AK4: variants seen among roughly 807,000 people sequenced by gnomAD.
The protein encoded by AK4 is adenylate kinase 4, mitochondrial.
A neutral mutation model predicts 24.6 loss-of-function variants in AK4; 13 were observed. The ratio of observed to expected loss-of-function variants is 0.53; its 90% CI spans 0.34 to 0.84. AK4 has a LOEUF of 0.84. Ranked by LOEUF, AK4 falls within the 40% of genes least tolerant of loss-of-function variation. The pLI, the probability that AK4 is intolerant of heterozygous loss-of-function variation, is 0.01. For synonymous variants in AK4, 88 were observed against 107.0 expected (o/e 0.82, Z 1.10); for missense variants, 192 against 288.2 (o/e 0.67, Z 2.42).
At position 65,229,183 on chromosome 1, in the gene AK4, T is replaced by C. The variant is rs1236373643; in HGVS notation, c.*3006T>C. 1 of 152,136 alleles carries C rather than the reference T, an allele frequency of 6.6e-6. No homozygotes were observed. Among genetic ancestry groups the C allele is most frequent in the Non-Finnish European group, 1.5e-5 (1 of 68,040 alleles). The allele number at this position is 152,136 out of a possible 1,614,324, so 9.4% of individuals were successfully genotyped here. Reference sequence around the variant, plus strand: ...AGACTGAGCTTTTTCCTGGATGTTATTAATAGCTAATTGTGTCCAAGCAAC... The same window carrying C: ...AGACTGAGCTTTTTCCTGGATGTTACTAATAGCTAATTGTGTCCAAGCAAC... On this transcript the variant is annotated 3_prime_UTR_variant, in exon 5 of 5. Transcript: ENST00000327299.
chr1:65,183,780 C>T (rs927596147), intron 1 of AK4, among the ~76,000 whole-genome samples: 1 of 151,506 alleles, frequency 6.6e-6, no homozygotes, highest in South Asian at 2.1e-4. Context: ...TTCTTTTTAA[C>T]CAGCCTTAAG....
intron 1 of AK4, among the ~76,000 whole-genome samples, chr1:65,175,078 G>C (rs1573168): frequency 3.3e-5 from 5 of 151,976 alleles, no homozygotes; most frequent in African/African-American, 7.3e-5. Flanking sequence ...AACCAAAATA[G>C]TGGTCATGAC....
intron 1 of AK4, among the ~76,000 whole-genome samples, chr1:65,178,998 T>G (rs1650813643): frequency 6.6e-6 from 1 of 151,978 alleles, no homozygotes; most frequent in African/African-American, 2.4e-5. Flanking sequence ...CCACCTTGTG[T>G]TTTTGGAAGG....
At chr1:65,164,151 G>C (rs1178185287) in intron 1 of AK4, among the ~76,000 whole-genome samples, 3 of 152,180 alleles carry the variant, frequency 2.0e-5, no homozygotes, top group African/African-American at 7.2e-5. Flanking sequence ...CAGGCAAGAA[G>C]GGGTCTTTTC....
At position 65,228,720 on chromosome 1, in the gene AK4, T is replaced by C. The variant is rs1652543817; in HGVS notation, c.*2543T>C. 9.9e-6 allele frequency: 1 copy of C among 100,908 alleles called. No homozygotes were observed. Among genetic ancestry groups the C allele is most frequent in the Middle Eastern group, 4.0e-3 (1 of 250 alleles). The allele number at this position is 100,908 out of a possible 1,614,324, so 6.3% of individuals were successfully genotyped here. On this transcript the variant is annotated 3_prime_UTR_variant, in exon 5 of 5. Transcript: ENST00000327299. ...ATTAAAGGGACATCTTTTCTTGTTT[T>C]GTTTTTTTTTTTTCTATTGCCACAC...
At chr1:65,179,672 T>C (rs1330970478) in intron 1 of AK4, among the ~76,000 whole-genome samples, 2 of 151,996 alleles carry the variant, frequency 1.3e-5, no homozygotes, top group African/African-American at 2.4e-5. Context: ...GACCCCCATC[T>C]CTACAAAGAA....
At chr1:65,209,123 G>C (rs1437857435) in intron 2 of AK4, among the ~76,000 whole-genome samples, 1 of 152,162 alleles carries the variant, frequency 6.6e-6, no homozygotes. Flanking sequence ...AAAAGAGTGA[G>C]CAGCTTTTCT....
chr1:65,150,679 A>G (rs1411940126), intron 1 of AK4, among the ~76,000 whole-genome samples: 2 of 152,186 alleles, frequency 1.3e-5, no homozygotes, highest in African/African-American at 4.8e-5. Context: ...GGGAAACACA[A>G]CCACCCTTCT....
chr1:65,194,581 C>T (rs1024211923), intron 2 of AK4, among the ~76,000 whole-genome samples: 7 of 152,212 alleles, frequency 4.6e-5, no homozygotes, highest in African/African-American at 1.7e-4. Context: ...CTTGCCTCAG[C>T]CTCCCAAGTA....
At position 65,223,637 on chromosome 1, in the gene AK4, A is replaced by C. The variant is rs190310797; in HGVS notation, c.439-1115A>C. On this transcript the variant is annotated intron_variant, in intron 3 of 4. Coordinates refer to ENST00000327299, the MANE Select transcript of AK4 (RefSeq NM_013410.4). Reference sequence around the variant, plus strand: ...GTCCTTCATGAGATTTTGGGGGGGAATAGAAAGCTAGCAAAATAATTAGAC... The same window carrying C: ...GTCCTTCATGAGATTTTGGGGGGGACTAGAAAGCTAGCAAAATAATTAGAC... Among the ~76,000 whole-genome samples the C allele has an allele frequency of 9.1e-4, 139 of 152,250 alleles. 2 individuals carry two copies. Among genetic ancestry groups the C allele is most frequent in the African/African-American group, 3.1e-3 (129 of 41,546 alleles).
At chr1:65,187,581 G>T (rs1028045234) in intron 1 of AK4, among the ~76,000 whole-genome samples, 2 of 152,176 alleles carry the variant, frequency 1.3e-5, no homozygotes, top group Non-Finnish European at 2.9e-5. Flanking sequence ...AGATGTTATA[G>T]TGTGTGAATT....
chr1:65,170,606 G>C (rs1650484375), intron 1 of AK4, among the ~76,000 whole-genome samples: 1 of 152,230 alleles, frequency 6.6e-6, no homozygotes, highest in Admixed American at 6.5e-5. Flanking sequence ...GACAGCCACA[G>C]ATGGTGGCTG....
chr1:65,153,791 A>C (rs1649881063), intron 1 of AK4, among the ~76,000 whole-genome samples: 1 of 152,140 alleles, frequency 6.6e-6, no homozygotes. Context: ...GTAAACAATG[A>C]GCTTGTGATG....
chr1:65,202,558 G>GTAATAAATTAATAA (rs1651694028), intron 2 of AK4, among the ~76,000 whole-genome samples: 2 of 152,090 alleles, frequency 1.3e-5, no homozygotes, highest in African/African-American at 4.8e-5. Context: ...ATTAGAAGTT[G>GTAATAAATTAATAA]ATAAAGTAAG....
chr1:65,151,291 T>G (rs895101879), intron 1 of AK4, among the ~76,000 whole-genome samples: 3 of 152,168 alleles, frequency 2.0e-5, no homozygotes, highest in African/African-American at 4.8e-5. Flanking sequence ...CATGTCTTAT[T>G]GATTCTAATG....
rs1336513676 is a variant in AK4, at chr1:65,226,870, G to T, written c.*693G>T. 3.7e-5 allele frequency: 5 copies of T among 135,792 alleles called. No homozygotes were observed. The highest frequency in any genetic ancestry group is 5.8e-5 in the African/African-American group (2 of 34,696). The allele number at this position is 135,792 out of a possible 1,614,324, so 8.4% of individuals were successfully genotyped here. A position where few individuals can be genotyped will look rare whatever the true frequency, so the allele number is the denominator to read the frequency against. On this transcript the variant is annotated 3_prime_UTR_variant, in exon 5 of 5. Coordinates refer to ENST00000327299, the MANE Select transcript of AK4 (RefSeq NM_013410.4). ...CTTAGGCTTTTAAACAATAGTTATT[G>T]CTTTTATCCCTCTCAGATTCTAATA... is the stretch of plus-strand genomic sequence containing the variant.
At chr1:65,187,347 C>CAAAA (rs150840960) in intron 1 of AK4, among the ~76,000 whole-genome samples, 21 of 66,574 alleles carry the variant, frequency 3.2e-4, no homozygotes, top group South Asian at 1.2e-3. Flanking sequence ...GACTCCGTCT[C>CAAAA]AAAAAAAAAA....
chr1:65,215,755 G>T (rs1652110337), intron 2 of AK4, among the ~76,000 whole-genome samples: 1 of 152,186 alleles, frequency 6.6e-6, no homozygotes, highest in Non-Finnish European at 1.5e-5. Flanking sequence ...CCTCCAGAGG[G>T]CTCTAGAGCT....
intron 2 of AK4, among the ~76,000 whole-genome samples, chr1:65,210,370 C>T (rs1570131854): frequency 1.3e-5 from 2 of 152,230 alleles, no homozygotes; most frequent in East Asian, 3.9e-4. Flanking sequence ...AAGCCATCCT[C>T]CTGTTCTCCT....
Sources: allele counts gnomAD v4.1 joint callset (sites outside exome capture counted in the v4.1 genomes callset), GRCh38; gene constraint gnomAD v4.1.1; transcripts MANE v1.5; gene names NCBI Gene and HGNC (gene_info 2026-07-23, HGNC 2026-07-21).